Variants in MBTD1 observed in about 807,000 individuals in gnomAD.
MBTD1 encodes MBT domain-containing protein 1.
Under a neutral mutation model 87.8 loss-of-function variants are expected in MBTD1, and 24 were observed. The ratio of observed to expected loss-of-function variants is 0.27; its 90% CI spans 0.20 to 0.38. The LOEUF is 0.38. MBTD1 is among the 10% of genes least tolerant of loss of function. The pLI is 1.00. For missense variants in MBTD1, 436 were observed against 760.2 expected (o/e 0.57, Z 5.02); for synonymous variants, 237 against 248.6 (o/e 0.95, Z 0.44).
chr17:51,199,880 AG>A (rs1306617743), intron 12 of MBTD1, among the ~76,000 whole-genome samples: 8 of 150,602 alleles, frequency 5.3e-5, no homozygotes. Flanking sequence ...GCTGGAGTGC[AG>A]TGGCACCATC....
intron 2 of MBTD1, among the ~76,000 whole-genome samples, chr17:51,234,195 C>A (rs2053694901): frequency 6.6e-6 from 1 of 151,864 alleles, no homozygotes; most frequent in African/African-American, 2.4e-5. Context: ...GAGTTCGAGA[C>A]CAACCTGGCC....
intron 13 of MBTD1, among the ~76,000 whole-genome samples, chr17:51,194,592 A>AAAAAAAAAAG (rs2050985534): frequency 6.8e-6 from 1 of 148,012 alleles, no homozygotes; most frequent in African/African-American, 2.5e-5. Flanking sequence ...AAAAAAAAAA[A>AAAAAAAAAAG]GTCCACATGG....
At chr17:51,210,229 G>C (rs1179289168) in intron 6 of MBTD1, among the ~76,000 whole-genome samples, 3 of 151,860 alleles carry the variant, frequency 2.0e-5, no homozygotes, top group Admixed American at 2.0e-4. Flanking sequence ...GACCTCAGAC[G>C]ATCTGCCTGC....
chr17:51,230,901 T>C (rs573270667), intron 2 of MBTD1, among the ~76,000 whole-genome samples: 28 of 152,186 alleles, frequency 1.8e-4, no homozygotes, highest in Non-Finnish European at 3.5e-4. Context: ...AATAGAGTCA[T>C]ACAGCTCACC....
At chr17:51,251,993 G>C (rs1039389907) in intron 2 of MBTD1, among the ~76,000 whole-genome samples, 1 of 152,148 alleles carries the variant, frequency 6.6e-6, no homozygotes, top group Non-Finnish European at 1.5e-5. Context: ...TCGAACTCCT[G>C]GCCTCAAGTG....
chr17:51,194,566 C>CAAAAAAAAA lies in MBTD1; in HGVS notation c.1372+639_1372+647dup, dbSNP rs71355733. Among the ~76,000 whole-genome samples, 33 of 19,738 alleles carry CAAAAAAAAA rather than the reference C, an allele frequency of 1.7e-3. 7 individuals are homozygous for CAAAAAAAAA. Among genetic ancestry groups the CAAAAAAAAA allele is most frequent in the African/African-American group, 8.1e-3 (31 of 3,808 alleles). The allele number at this position is 19,738 out of a possible 152,430, so 12.9% of individuals were successfully genotyped here. On this transcript the variant is annotated intron_variant, in intron 13 of 16. Transcript: ENST00000586178. ...CCTGGGTGACAGAGCGAGACTGTCTCAAAAAAAAAAAAAAAAAAAAAAAAA... is the reference window on the plus strand; with the variant it reads ...CCTGGGTGACAGAGCGAGACTGTCTCAAAAAAAAAAAAAAAAAAAAAAAAAAAAAAAAAA...
chr17:51,241,733 A>AT (rs1208864003), intron 2 of MBTD1, among the ~76,000 whole-genome samples: 1 of 151,694 alleles, frequency 6.6e-6, no homozygotes, highest in Non-Finnish European at 1.5e-5. Context: ...CAGGCTATTT[A>AT]TTTTTTTATT....
intron 16 of MBTD1, among the ~76,000 whole-genome samples, chr17:51,187,401 CAAAAA>C (rs201877980): frequency 1.8e-5 from 2 of 113,702 alleles, no homozygotes; most frequent in Non-Finnish European, 1.8e-5. Context: ...GACCTTGTCT[CAAAAA>C]AAAAAAAAAA....
chr17:51,211,568 C>T (rs145649743), intron 6 of MBTD1, among the ~76,000 whole-genome samples: 203 of 151,214 alleles, frequency 1.3e-3, no homozygotes, highest in African/African-American at 4.6e-3. Flanking sequence ...TGCTTTCCCG[C>T]AGAGAGTTTA....
upstream of MBTD1, chr17:51,260,180 A>G: frequency 2.6e-6 from 1 of 386,786 alleles, no homozygotes; most frequent in Admixed American, 4.3e-5. Context: ...GGACCGTACC[A>G]AGACGAAGGG....
At chr17:51,230,583 G>T (rs576251207) in intron 2 of MBTD1, among the ~76,000 whole-genome samples, 1 of 152,152 alleles carries the variant, frequency 6.6e-6, no homozygotes, top group African/African-American at 2.4e-5. Flanking sequence ...TCTCAGTGAG[G>T]TAAGACCATG....
At chr17:51,226,874 G>A (rs954343816) in intron 2 of MBTD1, among the ~76,000 whole-genome samples, 3 of 151,766 alleles carry the variant, frequency 2.0e-5, no homozygotes, top group Admixed American at 1.3e-4. Context: ...TCAAGTGATC[G>A]CCTGCCTTGG....
chr17:51,190,352 T>C (rs2050735335), intron 16 of MBTD1, among the ~76,000 whole-genome samples: 2 of 152,094 alleles, frequency 1.3e-5, no homozygotes, highest in South Asian at 4.1e-4. Flanking sequence ...GCCATCCGCC[T>C]TGGCCTCCCA....
At chr17:51,234,395 G>C (rs9898969) in intron 2 of MBTD1, among the ~76,000 whole-genome samples, 83,716 of 127,418 alleles carry the variant, frequency 0.66, 26,408 homozygotes, top group Middle Eastern at 0.77. Context: ...CTTTGTCCCC[G>C]TCTCCAAAAA....
intron 3 of MBTD1, among the ~76,000 whole-genome samples, chr17:51,221,705 A>G (rs11651110): frequency 0.39 from 59,908 of 152,110 alleles, 13,286 homozygotes; most frequent in East Asian, 0.6. Flanking sequence ...TCTAAACAGT[A>G]TAGTATTAAC....
Position 51,240,000 on chromosome 17 carries a change from T to A in MBTD1, c.-48-14791A>T, listed in dbSNP as rs369734114. ...TTCAGCCCAGGGTCATATATTTCAT[T>A]TGTCATGTGCCTTAGTCTTTAATCT... On this transcript the variant is annotated intron_variant, in intron 2 of 16. Coordinates refer to ENST00000586178, the MANE Select transcript of MBTD1 (RefSeq NM_017643.3). Among the ~76,000 whole-genome samples, 5 of 152,352 alleles carry A rather than the reference T, an allele frequency of 3.3e-5. No individual in the cohort carries two copies. The East Asian group carries it at 5.8e-4, about 18-fold the overall frequency.
chr17:51,224,423 C>T (rs1314669140), intron 3 of MBTD1, among the ~76,000 whole-genome samples: 3 of 152,074 alleles, frequency 2.0e-5, no homozygotes, highest in Admixed American at 6.6e-5. Flanking sequence ...TTTCCAGACT[C>T]CCAGAAGCAA....
At chr17:51,239,332 A>T (rs1325372694) in intron 2 of MBTD1, among the ~76,000 whole-genome samples, 2 of 152,180 alleles carry the variant, frequency 1.3e-5, no homozygotes, top group African/African-American at 4.8e-5. Flanking sequence ...CATGTCCTTT[A>T]TTATAAGATC....
At chr17:51,214,013 TAC>T (rs1219281015) in intron 6 of MBTD1, among the ~76,000 whole-genome samples, 4 of 152,136 alleles carry the variant, frequency 2.6e-5, no homozygotes, top group Non-Finnish European at 5.9e-5. Context: ...CCAATCATAA[TAC>T]ACAGATTTTT....
Sources: allele counts gnomAD v4.1 joint callset (sites outside exome capture counted in the v4.1 genomes callset), GRCh38; gene constraint gnomAD v4.1.1; transcripts MANE v1.5; gene names NCBI Gene and HGNC (gene_info 2026-07-23, HGNC 2026-07-21).